Variants in NFKB2 observed in about 807,000 individuals in gnomAD.
NFKB2 encodes nuclear factor kappa B subunit 2, also known as nuclear factor NF-kappa-B p100 subunit.
Under a neutral mutation model 109.3 loss-of-function variants are expected in NFKB2, and 21 were observed. The ratio of observed to expected loss-of-function variants is 0.19; its 90% confidence interval spans 0.14 to 0.28. The LOEUF is 0.28. Among genes scored for constraint, NFKB2 ranks in the 10% least tolerant of loss-of-function variants. NFKB2 has a pLI of 1.00. For missense variants in NFKB2, 806 were observed against 1,185.3 expected (o/e 0.68, Z 4.70); for synonymous variants, 478 against 489.9 (o/e 0.98, Z 0.32).
rs368941752 is a variant in NFKB2, at chr10:102,400,183, C to T, written c.1573C>T (p.His525Tyr). 1.9e-6 allele frequency: 3 copies of T among 1,614,052 alleles called. No homozygotes were observed. The African/African-American group carries it at 4.0e-5, about 22-fold the overall frequency. The stretch of plus-strand genomic sequence containing the variant: ...CCTCGGCGTTGTCAACCTCACCAAC[C>T]ACCTGCACCAGGTGCGGGGGCGCCT... ...QDLGVVNLTN[H>Y]LHQTPLHLAV... Residue 525 changes from histidine to tyrosine, a missense_variant, in exon 15 of 23, where the codon CAC (histidine) becomes TAC (tyrosine). His to Tyr is a moderately conservative substitution (Grantham distance 83). Coordinates refer to ENST00000661543, the MANE Select transcript of NFKB2 (RefSeq NM_001322934.2). The surrounding 1 kb of genome is among the most constrained non-coding windows in gnomAD (Gnocchi z 6.3).
chr10:102,400,504 T>C lies in NFKB2; in HGVS notation c.1798+13T>C. 1 of 1,595,662 alleles carries C rather than the reference T, an allele frequency of 6.3e-7. No homozygotes were observed. The highest frequency in any genetic ancestry group is 8.5e-7 in the Non-Finnish European group (1 of 1,171,664). ...CCTGACTTTGAGGGTGAGCTCCCCA[T>C]CTCACCTGACTAAGGGGGCAGGCGG... On this transcript the variant is annotated intron_variant, in intron 16 of 22. Coordinates refer to ENST00000661543, the MANE Select transcript of NFKB2 (RefSeq NM_001322934.2). This position sits in a 1 kb window ranked among gnomAD's most constrained non-coding sequence, Gnocchi z 6.3.
chr10:102,401,537 C>T lies in NFKB2; in HGVS notation c.2293+19C>T, dbSNP rs2135440888. 1.6e-5 allele frequency: 25 copies of T among 1,611,016 alleles called. No individual in the cohort carries two copies. The highest frequency in any genetic ancestry group is 2.1e-5 in the Non-Finnish European group (25 of 1,179,506). On this transcript the variant is annotated intron_variant, in intron 20 of 22. Transcript: ENST00000661543. This position sits in a 1 kb window ranked among gnomAD's most constrained non-coding sequence, Gnocchi z 4.2. ...CCAGCAGGTGAGAAGCATCAGGCAT[C>T]CCCAGCCCGACTCCTCTGACTCCTC...
Position 102,397,683 on chromosome 10 carries a change from G to A in NFKB2, c.659G>A (p.Ser220Asn), listed in dbSNP as rs1056054668. The A allele has an allele frequency of 1.2e-6, 2 of 1,606,782 alleles. No individual in the cohort carries two copies. Among genetic ancestry groups the A allele is most frequent in the Non-Finnish European group, 1.7e-6 (2 of 1,174,134 alleles). The change falls in exon 8 of 23, where the codon AGC becomes AAC. Residue 220 changes from serine (S) to asparagine (N), a missense_variant and splice_region_variant. By Grantham distance (46) the Ser-to-Asn change is conservative. This residue lies in a region of NFKB2 where 64 missense variants were observed against 177.4 expected (regional missense o/e 0.36). Coordinates refer to ENST00000661543, the MANE Select transcript of NFKB2 (RefSeq NM_001322934.2). This position sits in a 1 kb window ranked among gnomAD's most constrained non-coding sequence, Gnocchi z 4.7. The part of the protein sequence containing the change: ...KPVISQPIHD[S>N]KSPGASNLKI... ...GTCATCTCCCAGCCCATCCATGACA[G>A]CAGTGAGTATCCTGATTGCCTGGGG...
Position 102,398,991 on chromosome 10 carries a change from T to C in NFKB2, c.1117+127T>C. 9.4e-7 allele frequency: 1 copy of C among 1,063,180 alleles called. No homozygotes were observed. The highest frequency in any genetic ancestry group is 1.3e-6 in the Non-Finnish European group (1 of 746,788). The allele number at this position is 1,063,180 out of a possible 1,614,324, so 65.9% of individuals were successfully genotyped here. On this transcript the variant is annotated intron_variant, in intron 12 of 22. Coordinates refer to ENST00000661543, the MANE Select transcript of NFKB2 (RefSeq NM_001322934.2). The surrounding 1 kb of genome is among the most constrained non-coding windows in gnomAD (Gnocchi z 6.6). ...CCTTTGGGAGGCCAAGGCAGGCAGA[T>C]TACCTGAGATCAGGAGTTCAAGACC... is the stretch of plus-strand genomic sequence containing the variant.
chr10:102,398,661 C>A lies in NFKB2; in HGVS notation c.992-78C>A. 1 of 1,611,454 alleles carries A rather than the reference C, an allele frequency of 6.2e-7. No individual in the cohort carries two copies. Among genetic ancestry groups the A allele is most frequent in the Non-Finnish European group, 8.5e-7 (1 of 1,179,618 alleles). On this transcript the variant is annotated intron_variant, in intron 11 of 22. Transcript: ENST00000661543. The surrounding 1 kb of genome is among the most constrained non-coding windows in gnomAD (Gnocchi z 6.6). ...CCAGGAGGTGCTTCCTAGGAGCCGG[C>A]CCTGAGGGCTCTTCTGGGAAGGGCC...
Position 102,400,326 on chromosome 10 carries a change from T to C in NFKB2, c.1633T>C (p.Phe545Leu). 1.9e-6 allele frequency: 3 copies of C among 1,613,816 alleles called. No individual in the cohort carries two copies. The highest frequency in any genetic ancestry group is 1.7e-6 in the Non-Finnish European group (2 of 1,179,942). The change falls in exon 16 of 23, where the codon TTT becomes CTT. Residue 545 changes from phenylalanine to leucine, a missense_variant. By Grantham distance (22) the Phe-to-Leu change is conservative (BLOSUM62 0). Around this residue, in one of 10 missense-constraint regions of NFKB2, gnomAD observed 163 missense variants for 207.1 expected, o/e 0.79. Transcript: ENST00000661543. The surrounding 1 kb of genome is among the most constrained non-coding windows in gnomAD (Gnocchi z 6.3). ...CACGGGGCAGACGAGTGTGGTGAGC[T>C]TTCTGCTGCGGGTAGGTGCAGACCC... ...VITGQTSVVS[F>L]LLRVGADPAL... is the part of the protein sequence containing the mutation.
chr10:102,396,216 AG>A lies in NFKB2; in HGVS notation c.22-36del. On this transcript the variant is annotated intron_variant, in intron 2 of 22. Transcript: ENST00000661543. This position sits in a 1 kb window ranked among gnomAD's most constrained non-coding sequence, Gnocchi z 5.9. ...GGAGGTGGGGCTGTGGGGGGTGCTG[AG>A]AGTCGGATGCCACCCCCAGTCTGTC... The A allele has an allele frequency of 3.8e-6, 6 of 1,583,630 alleles. No homozygotes were observed. The highest frequency in any genetic ancestry group is 5.2e-6 in the Non-Finnish European group (6 of 1,156,450).
chr10:102,395,862 C>T lies in NFKB2; in HGVS notation c.-72-26C>T, dbSNP rs930682447. On this transcript the variant is annotated intron_variant, in intron 1 of 22. Transcript: ENST00000661543. ...ACCCCCATTTAGATCTGACCCCCTC[C>T]CCCACGCCACTCCTCCCAACTTTAG... 3.4e-6 allele frequency: 4 copies of T among 1,189,336 alleles called. No individual in the cohort carries two copies. In the African/African-American group the frequency reaches 6.0e-5, roughly 18 times the overall value. 73.7% of individuals were successfully genotyped at this position (1,189,336 alleles called of 1,614,324 possible).
At position 102,400,114 on chromosome 10, in the gene NFKB2, A is replaced by C. The variant is rs1347832182; in HGVS notation, c.1504A>C (p.Ser502Arg). ...CCTAGCCATCATCCACGGGCAGACC[A>C]GTGTCATTGAGCAGATAGTCTATGT... Reference protein sequence around the residue: ...LHLAIIHGQTSVIEQIVYVIH... With the variant: ...LHLAIIHGQTRVIEQIVYVIH... Residue 502 changes from serine to arginine, a missense_variant, in exon 15 of 23, where the codon AGT becomes CGT. Transcript: ENST00000661543. This position sits in a 1 kb window ranked among gnomAD's most constrained non-coding sequence, Gnocchi z 6.3. The C allele has an allele frequency of 6.2e-7, 1 of 1,613,966 alleles. No homozygotes were observed. The highest frequency in any genetic ancestry group is 1.3e-5 in the African/African-American group (1 of 74,882).
intron 12 of NFKB2, 102 bp from the exon 13 acceptor site, chr10:102,399,186 G>T: frequency 8.5e-7 from 1 of 1,181,622 alleles, no homozygotes; most frequent in East Asian, 2.6e-5. Context: ...CTGCACTCCA[G>T]GCTGGGCAAT....
chr10:102,400,923 A>G lies in NFKB2; in HGVS notation c.1969-24A>G. On this transcript the variant is annotated intron_variant, in intron 17 of 22. Transcript: ENST00000661543. The surrounding 1 kb of genome is among the most constrained non-coding windows in gnomAD (Gnocchi z 6.3). The stretch of plus-strand genomic sequence containing the variant: ...GCCAAGGGGACCATGCTGTGGTGTC[A>G]ACTCTCGCTGCTCGCACCCCCAGCT... 3.7e-6 allele frequency: 6 copies of G among 1,603,780 alleles called. No individual in the cohort carries two copies. The highest frequency in any genetic ancestry group is 5.1e-6 in the Non-Finnish European group (6 of 1,174,798).
At position 102,398,624 on chromosome 10, in the gene NFKB2, A is replaced by C. The variant is rs1820182172; in HGVS notation, c.991+101A>C. On this transcript the variant is annotated intron_variant, in intron 11 of 22. Coordinates refer to ENST00000661543, the MANE Select transcript of NFKB2 (RefSeq NM_001322934.2). The surrounding 1 kb of genome is among the most constrained non-coding windows in gnomAD (Gnocchi z 6.6). ...GTGGGGATGCATGAGCCAAGTCAGA[A>C]GTGCGAGGGTCCCAGGAGGTGCTTC... 2.5e-6 allele frequency: 4 copies of C among 1,610,438 alleles called. No individual in the cohort carries two copies. The highest frequency in any genetic ancestry group is 3.4e-6 in the Non-Finnish European group (4 of 1,178,662).
rs1434207713 is a variant in NFKB2 at position 102,396,618 on chromosome 10, G to A, written c.145-107G>A. ...AGGGGATTGGATGGTCACTGCTGCT[G>A]ATCAGAGTGCTGTAGTTTGGTTCAG... On this transcript the variant is annotated intron_variant, in intron 4 of 22. Transcript: ENST00000661543. The surrounding 1 kb of genome is among the most constrained non-coding windows in gnomAD (Gnocchi z 5.9). The A allele has an allele frequency of 2.6e-6, 4 of 1,554,700 alleles. No homozygotes were observed. In the African/African-American group the frequency reaches 5.5e-5, roughly 21 times the overall value.
chr10:102,402,469 G>T lies in NFKB2; in HGVS notation c.*93G>T, dbSNP rs961225326. ...TTTAACACCCCACACCCACCCCTCA[G>T]TTGGGACAAATAAAGGATTCTCATG... On this transcript the variant is annotated 3_prime_UTR_variant, in exon 23 of 23. Transcript: ENST00000661543. The T allele has an allele frequency of 2.6e-5, 18 of 705,170 alleles. No individual in the cohort carries two copies. The African/African-American group carries it at 3.3e-4, about 13-fold the overall frequency. The allele number at this position is 705,170 out of a possible 1,614,324, so 43.7% of individuals were successfully genotyped here.
Position 102,401,162 on chromosome 10 carries a change from A to G in NFKB2, c.2072-18A>G, listed in dbSNP as rs1257025316. ...TAGGCCCCCACCATACCGCCCCATG[A>G]CGGCCTCCCTCTCCCAGGTGCTGAC... is the stretch of plus-strand genomic sequence containing the variant. On this transcript the variant is annotated intron_variant, in intron 18 of 22. Transcript: ENST00000661543. This position sits in a 1 kb window ranked among gnomAD's most constrained non-coding sequence, Gnocchi z 4.2. 1 of 1,590,402 alleles carries G rather than the reference A, an allele frequency of 6.3e-7. No individual in the cohort carries two copies. Among genetic ancestry groups the G allele is most frequent in the Admixed American group, 1.7e-5 (1 of 58,212 alleles).
In NFKB2 at chr10:102,397,255, G is replaced by A; in HGVS notation, c.396-47G>A. On this transcript the variant is annotated intron_variant, in intron 6 of 22. Coordinates refer to ENST00000661543, the MANE Select transcript of NFKB2 (RefSeq NM_001322934.2). This position sits in a 1 kb window ranked among gnomAD's most constrained non-coding sequence, Gnocchi z 4.7. ...CCCTGGCAATGGGAAAGGTGCCTCA[G>A]GAAGAAAGAACTGCATGGCCAAAGG... 3 of 1,591,286 alleles carry A rather than the reference G, an allele frequency of 1.9e-6. No homozygotes were observed. The highest frequency in any genetic ancestry group is 1.7e-4 in the Middle Eastern group (1 of 6,016).
Position 102,400,250 on chromosome 10 carries a change from G to A in NFKB2, c.1585-28G>A. The A allele has an allele frequency of 1.2e-6, 2 of 1,613,986 alleles. No homozygotes were observed. The highest frequency in any genetic ancestry group is 1.7e-6 in the Non-Finnish European group (2 of 1,179,992). Reference sequence around the variant, plus strand: ...GGGTTGGAAGGCAAGTGGGTCTCGGGCCTGGCTCACCCTGCTTTCATCCCC... The same window carrying A: ...GGGTTGGAAGGCAAGTGGGTCTCGGACCTGGCTCACCCTGCTTTCATCCCC... On this transcript the variant is annotated intron_variant, in intron 15 of 22. Coordinates refer to ENST00000661543, the MANE Select transcript of NFKB2 (RefSeq NM_001322934.2). This position sits in a 1 kb window ranked among gnomAD's most constrained non-coding sequence, Gnocchi z 6.3.
Position 102,400,723 on chromosome 10 carries a change from G to A in NFKB2, c.1867G>A (p.Gly623Arg), listed in dbSNP as rs1344236099. Reference protein sequence around the residue: ...PECLDLLVDSGAEVEATERQG... With the variant: ...PECLDLLVDSRAEVEATERQG... ...GTGCCTGGATCTGCTGGTGGACAGT[G>A]GGGCTGAAGTGGAGGCCACAGAGCG... The change falls in exon 17 of 23, where the codon GGG becomes AGG. Residue 623 changes from glycine (G) to arginine (R), a missense_variant. By Grantham distance (125) the Gly-to-Arg change is moderately radical. Coordinates refer to ENST00000661543, the MANE Select transcript of NFKB2 (RefSeq NM_001322934.2). This position sits in a 1 kb window ranked among gnomAD's most constrained non-coding sequence, Gnocchi z 6.3. 1.9e-6 allele frequency: 3 copies of A among 1,613,928 alleles called. No individual in the cohort carries two copies.
At position 102,400,972 on chromosome 10, in the gene NFKB2, C is replaced by A; in HGVS notation, c.1994C>A (p.Thr665Asn). The change falls in exon 18 of 23, where the codon ACC becomes AAC. Residue 665 changes from threonine (T) to asparagine (N), a missense_variant. Physicochemically the swap from Thr to Asn is moderately conservative, Grantham distance 65 (BLOSUM62 0). Coordinates refer to ENST00000661543, the MANE Select transcript of NFKB2 (RefSeq NM_001322934.2). The surrounding 1 kb of genome is among the most constrained non-coding windows in gnomAD (Gnocchi z 6.3). The part of the protein sequence containing the change: ...TKLRANVNAR[T>N]FAGNTPLHLA... ...CTCCGGGCCAACGTGAACGCTCGCA[C>A]CTTTGCGGGAAACACACCCCTGCAC... 3 of 1,613,906 alleles carry A rather than the reference C, an allele frequency of 1.9e-6. No homozygotes were observed. The highest frequency in any genetic ancestry group is 2.5e-6 in the Non-Finnish European group (3 of 1,179,930).
Sources: allele counts gnomAD v4.1 joint callset, GRCh38; gene constraint gnomAD v4.1.1; regional missense constraint gnomAD v4.1.1; non-coding constraint Gnocchi (gnomAD v3.1); transcripts MANE v1.5; gene names NCBI Gene and HGNC (gene_info 2026-07-23, HGNC 2026-07-21).